MTUS2: variants seen among roughly 807,000 people sequenced by gnomAD.
MTUS2 encodes the protein microtubule associated scaffold protein 2.
MTUS2 carries 40 observed loss-of-function variants against 114.1 expected under a neutral mutation model. That is an observed-to-expected ratio of 0.35 (90% CI 0.27 to 0.46). The LOEUF is 0.46. Among genes scored for constraint, MTUS2 ranks in the 20% least tolerant of loss-of-function variants. The pLI is 1.00. For missense variants in MTUS2, 1,679 were observed against 1,705.4 expected, an observed-to-expected ratio of 0.98 and a Z score of 0.27; for synonymous variants, 688 against 672.0, an observed-to-expected ratio of 1.02 and a Z score of -0.37.
Position 29,242,982 on chromosome 13 carries a change from T to G in MTUS2, c.2645-38722T>G, listed in dbSNP as rs1055101478. On this transcript the variant is annotated intron_variant, in intron 5 of 15. Coordinates refer to ENST00000612955, the MANE Select transcript of MTUS2 (RefSeq NM_001033602.4). ...TCGATGGTGGTGCTGGTAACTGAGA[T>G]AGGAAACTCAGAAAATAATAATAGT... 2.6e-5 allele frequency among the ~76,000 whole-genome samples: 4 copies of G among 152,018 alleles called. No individual in the cohort carries two copies. In the East Asian group the frequency reaches 7.7e-4, roughly 29 times the overall value.
chr13:29,451,362 A>G (rs952373346), intron 9 of MTUS2, among the ~76,000 whole-genome samples: 2 of 152,228 alleles, frequency 1.3e-5, no homozygotes, highest in Non-Finnish European at 2.9e-5. Flanking sequence ...ACCACAAGAT[A>G]AATTAGGAAA....
intron 5 of MTUS2, among the ~76,000 whole-genome samples, chr13:29,263,874 AT>A (rs1391563006): frequency 2.0e-5 from 3 of 152,110 alleles, no homozygotes; most frequent in African/African-American, 7.2e-5. Context: ...GATCCAAACC[AT>A]ATCATCCCAC....
intron 6 of MTUS2, among the ~76,000 whole-genome samples, chr13:29,315,702 C>T (rs745423359): frequency 6.6e-6 from 1 of 152,024 alleles, no homozygotes; most frequent in Non-Finnish European, 1.5e-5. Context: ...GAAATGAGAG[C>T]AAGCATGTGA....
chr13:29,148,700 G>A lies in MTUS2; in HGVS notation c.2644+47730G>A, dbSNP rs867094747. On this transcript the variant is annotated intron_variant, in intron 5 of 15. Coordinates refer to ENST00000612955, the MANE Select transcript of MTUS2 (RefSeq NM_001033602.4). ...TCACCGTTTTAGCCGGGATGGTCTC[G>A]ATCTCCTGACCTCGTGATCCGCCCG... 2.4e-4 allele frequency among the ~76,000 whole-genome samples: 16 copies of A among 67,550 alleles called. 6 individuals are homozygous for A. The highest frequency in any genetic ancestry group is 5.5e-4 in the South Asian group (1 of 1,808). 44.3% of individuals were successfully genotyped at this position (67,550 alleles called of 152,430 possible).
chr13:28,830,114 G>A (rs1428690833), intron 1 of MTUS2, among the ~76,000 whole-genome samples: 3 of 152,122 alleles, frequency 2.0e-5, no homozygotes, highest in African/African-American at 7.2e-5. Flanking sequence ...AAACAAAGTA[G>A]ACTTTACATA....
intron 5 of MTUS2, among the ~76,000 whole-genome samples, chr13:29,162,366 A>G (rs942090921): frequency 2.6e-5 from 4 of 152,170 alleles, no homozygotes; most frequent in African/African-American, 4.8e-5. Context: ...TTGGTTCTAG[A>G]ATGTAATTTT....
intron 2 of MTUS2, among the ~76,000 whole-genome samples, chr13:28,995,797 C>T (rs1299839481): frequency 6.6e-6 from 1 of 152,160 alleles, no homozygotes; most frequent in Non-Finnish European, 1.5e-5. Context: ...AGATTTTGGG[C>T]TGAGAAAATG....
chr13:29,370,452 A>G (rs1038680546), intron 8 of MTUS2, among the ~76,000 whole-genome samples: 5 of 152,188 alleles, frequency 3.3e-5, no homozygotes, highest in African/African-American at 1.2e-4. Flanking sequence ...AGCCTGGGCA[A>G]CATAGCTGGA....
At chr13:28,994,628 G>C (rs530288192) in intron 2 of MTUS2, among the ~76,000 whole-genome samples, 2 of 152,274 alleles carry the variant, frequency 1.3e-5, no homozygotes, top group East Asian at 1.9e-4. Flanking sequence ...TTGTGGTTTT[G>C]ATTTTCATTT....
At chr13:29,047,283 T>A (rs4768998) in intron 4 of MTUS2, among the ~76,000 whole-genome samples, 147,757 of 152,240 alleles carry the variant, frequency 0.97, 71,725 homozygotes, top group Non-Finnish European at 0.98. Flanking sequence ...GTGAGTGATG[T>A]TGCATGTAAA....
Position 29,079,742 on chromosome 13 carries a change from T to C in MTUS2, c.2447-21031T>C, listed in dbSNP as rs146344383. Among the ~76,000 whole-genome samples the C allele has an allele frequency of 7.3e-3, 1,110 of 152,340 alleles. 49 individuals carry two copies. The highest frequency in any genetic ancestry group is 0.067 in the Admixed American group (1,019 of 15,296). On this transcript the variant is annotated intron_variant, in intron 4 of 15. Coordinates refer to ENST00000612955, the MANE Select transcript of MTUS2 (RefSeq NM_001033602.4). ...TATTTCTGGAATGTTAATTCTGTTCTACTTAGCTATATGTCTATCTTTATG... is the reference window on the plus strand; with the variant it reads ...TATTTCTGGAATGTTAATTCTGTTCCACTTAGCTATATGTCTATCTTTATG...
At chr13:29,209,079 G>A (rs972292656) in intron 5 of MTUS2, among the ~76,000 whole-genome samples, 2 of 152,062 alleles carry the variant, frequency 1.3e-5, no homozygotes, top group Non-Finnish European at 2.9e-5. Context: ...AAGTCTATTA[G>A]TAATTGTTTT....
chr13:28,951,801 AG>A (rs1361773482), intron 2 of MTUS2, among the ~76,000 whole-genome samples: 1 of 151,894 alleles, frequency 6.6e-6, no homozygotes, highest in African/African-American at 2.4e-5. Flanking sequence ...TCTGGCTCAA[AG>A]AAAAAAAAAA....
At chr13:29,471,881 C>A (rs1464371372) in intron 9 of MTUS2, among the ~76,000 whole-genome samples, 5 of 152,118 alleles carry the variant, frequency 3.3e-5, no homozygotes, top group Non-Finnish European at 5.9e-5. Context: ...TGCTTGGCAC[C>A]CAGGAAGCAC....
intron 2 of MTUS2, among the ~76,000 whole-genome samples, chr13:29,014,301 CTAA>C (rs1427156103): frequency 2.0e-5 from 3 of 152,210 alleles, no homozygotes; most frequent in Non-Finnish European, 2.9e-5. Flanking sequence ...GAGGGCTGAA[CTAA>C]TAATATCTGT....
intron 7 of MTUS2, among the ~76,000 whole-genome samples, chr13:29,346,430 C>G (rs1868693896): frequency 1.3e-5 from 2 of 151,974 alleles, no homozygotes; most frequent in South Asian, 4.1e-4. Flanking sequence ...AGTTATGTTC[C>G]CAGGGGGATT....
chr13:28,877,941 C>T (rs558028028), intron 2 of MTUS2, among the ~76,000 whole-genome samples: 3 of 152,108 alleles, frequency 2.0e-5, no homozygotes, highest in South Asian at 2.1e-4. Context: ...TTATCATATC[C>T]GAAAAATGTG....
At chr13:29,010,169 C>T (rs1469915617) in intron 2 of MTUS2, among the ~76,000 whole-genome samples, 1 of 150,654 alleles carries the variant, frequency 6.6e-6, no homozygotes, top group Non-Finnish European at 1.5e-5. Context: ...TGAGATCGCA[C>T]CACTGCACTC....
At chr13:29,409,979 A>G (rs544664876) in intron 8 of MTUS2, among the ~76,000 whole-genome samples, 1 of 152,098 alleles carries the variant, frequency 6.6e-6, no homozygotes, top group Non-Finnish European at 1.5e-5. Flanking sequence ...TAGATGTACA[A>G]TTTCTAGATT....
Sources: gnomAD v4.1 joint callset for allele counts (sites outside exome capture counted in the v4.1 genomes callset) on GRCh38, gnomAD v4.1.1 for gene constraint, MANE v1.5 for transcripts, NCBI Gene and HGNC (gene_info 2026-07-23, HGNC 2026-07-21) for gene names.